TEC: variants seen among roughly 807,000 people sequenced by gnomAD.
TEC encodes the protein tyrosine-protein kinase Tec.
A neutral mutation model predicts 93.0 loss-of-function variants in TEC; 72 were observed. The ratio of observed to expected loss-of-function variants is 0.77; its 90% CI spans 0.64 to 0.94. The LOEUF (loss-of-function observed/expected upper bound fraction) is 0.94, where lower values mean the gene tolerates loss of function less well. Ranked by LOEUF, TEC falls within the 40% of genes least tolerant of loss-of-function variation. The pLI, the probability that TEC is intolerant of heterozygous loss-of-function variation, is 0.00. For synonymous variants in TEC, 249 were observed against 247.7 expected (o/e 1.01, Z -0.05); for missense variants, 630 against 757.9 (o/e 0.83, Z 1.98).
chr4:48,161,240 C>T (rs918722331), intron 8 of TEC, among the ~76,000 whole-genome samples: 8 of 152,132 alleles, frequency 5.3e-5, no homozygotes, highest in African/African-American at 1.7e-4. Context: ...AGTTATACAT[C>T]TTAGCTTGTT....
intron 2 of TEC, among the ~76,000 whole-genome samples, chr4:48,176,990 A>G (rs1157071641): frequency 2.0e-5 from 3 of 152,200 alleles, no homozygotes; most frequent in East Asian, 1.9e-4. Context: ...ATATTCACAG[A>G]AAGCTTCCAT....
intron 2 of TEC, among the ~76,000 whole-genome samples, chr4:48,217,444 A>G (rs1723118882): frequency 6.6e-6 from 1 of 152,194 alleles, no homozygotes; most frequent in Admixed American, 6.5e-5. Flanking sequence ...CCATGCTACA[A>G]TAATTTCTTT....
intron 1 of TEC, among the ~76,000 whole-genome samples, chr4:48,258,243 G>A (rs28410946): frequency 0.55 from 82,767 of 150,938 alleles, 22,923 homozygotes; most frequent in East Asian, 0.68. Context: ...CCAGGTTCAA[G>A]CAATTCTCCT....
At chr4:48,216,673 C>G (rs1723091847) in intron 2 of TEC, among the ~76,000 whole-genome samples, 2 of 152,040 alleles carry the variant, frequency 1.3e-5, no homozygotes, top group South Asian at 4.1e-4. Context: ...GCCTTCAGTT[C>G]CTATGTCACA....
intron 2 of TEC, among the ~76,000 whole-genome samples, chr4:48,186,890 T>C (rs1436107226): frequency 1.3e-5 from 2 of 152,176 alleles, no homozygotes; most frequent in African/African-American, 4.8e-5. Context: ...GTCTGGGAAG[T>C]GAGGAGCCCC....
At chr4:48,237,224 GC>G (rs1723809346) in intron 1 of TEC, among the ~76,000 whole-genome samples, 1 of 151,426 alleles carries the variant, frequency 6.6e-6, no homozygotes, top group Admixed American at 6.6e-5. Context: ...GGAGGCTAAG[GC>G]ATGCAAATAG....
At chr4:48,259,911 A>G (rs1724451890) in intron 1 of TEC, among the ~76,000 whole-genome samples, 1 of 152,170 alleles carries the variant, frequency 6.6e-6, no homozygotes, top group South Asian at 2.1e-4. Context: ...TTTCCTGAGG[A>G]CATAAGATGC....
chr4:48,140,696 A>AT lies in TEC; in HGVS notation c.1535+658dup, dbSNP rs561695065. On this transcript the variant is annotated intron_variant, in intron 15 of 17. Coordinates refer to ENST00000381501, the MANE Select transcript of TEC (RefSeq NM_003215.3). ...ATGGACAGCAACATTGGAATTTCAG[A>AT]TTTTTTTTTACATGTCATAATATTC... Among the ~76,000 whole-genome samples, 43 of 151,864 alleles carry AT rather than the reference A, an allele frequency of 2.8e-4. 1 individual carries two copies. Among genetic ancestry groups the AT allele is most frequent in the Admixed American group, 8.5e-4 (13 of 15,262 alleles).
In TEC at chr4:48,185,358, G is replaced by C. The variant is rs552487892; in HGVS notation, c.139-9172C>G. ...CATTAATTAAGAGAAACGAAAAAAAGGATGGATTTGACATTTTTCTTGTGA... is the reference window on the plus strand; with the variant it reads ...CATTAATTAAGAGAAACGAAAAAAACGATGGATTTGACATTTTTCTTGTGA... On this transcript the variant is annotated intron_variant, in intron 2 of 17. Transcript: ENST00000381501. Among the ~76,000 whole-genome samples, 12 of 152,274 alleles carry C rather than the reference G, an allele frequency of 7.9e-5. No homozygotes were observed. The South Asian group carries it at 1.0e-3, about 13-fold the overall frequency.
Position 48,145,235 on chromosome 4 carries a change from T to TA in TEC, c.1313dup (p.Tyr439IlefsTer5). 6.2e-7 allele frequency: 1 copy of TA among 1,614,162 alleles called. No individual in the cohort carries two copies. Among genetic ancestry groups the TA allele is most frequent in the African/African-American group, 1.3e-5 (1 of 75,034 alleles). On this transcript the variant is annotated frameshift_variant, in exon 14 of 18. Transcript: ENST00000381501. LOFTEE classifies it high-confidence loss of function. ...TTTCCATGAACTCAGTAACAATGTA[T>TA]ATTGGTTTCTGCTGGGTGCACACAC...
rs545906425 is a variant in TEC, at chr4:48,207,660, T to C, written c.138+20817A>G. On this transcript the variant is annotated intron_variant, in intron 2 of 17. Transcript: ENST00000381501. The stretch of plus-strand genomic sequence containing the variant: ...AAAATTAGCCGTGCGTGGTGGCACA[T>C]GCCTGTAGTCCTAGCTACTTAGGAG... 1.5e-4 allele frequency among the ~76,000 whole-genome samples: 22 copies of C among 149,530 alleles called. No individual in the cohort carries two copies. The South Asian group carries it at 3.6e-3, about 25-fold the overall frequency.
intron 2 of TEC, among the ~76,000 whole-genome samples, chr4:48,211,624 G>A (rs1722901719): frequency 6.6e-6 from 1 of 152,158 alleles, no homozygotes; most frequent in Non-Finnish European, 1.5e-5. Context: ...CTTCAACTGT[G>A]ACAGTTTCTC....
chr4:48,221,007 C>T (rs941493882), intron 2 of TEC, among the ~76,000 whole-genome samples: 1 of 152,222 alleles, frequency 6.6e-6, no homozygotes, highest in African/African-American at 2.4e-5. Flanking sequence ...GTTCCCACAA[C>T]CCCCTCCTTG....
At chr4:48,242,680 T>C (rs749428194) in intron 1 of TEC, among the ~76,000 whole-genome samples, 1 of 152,236 alleles carries the variant, frequency 6.6e-6, no homozygotes, top group African/African-American at 2.4e-5. Context: ...TTCTGTCCTA[T>C]GCAGGAAGTT....
Position 48,145,141 on chromosome 4 carries a change from A to G in TEC, c.1408T>C (p.Cys470Arg), listed in dbSNP as rs765514796. ...HFSRDVLLSM[C>R]QDVCEGMEYL... ...TCCATCCCTTCACACACATCCTGAC[A>G]CATGCTCAGCAGTACGTCTCTACTG... The change falls in exon 14 of 18, where the codon TGT becomes CGT. Residue 470 changes from cysteine to arginine, a missense_variant. By Grantham distance (180) the Cys-to-Arg change is radical. Transcript: ENST00000381501. 23 of 1,613,902 alleles carry G rather than the reference A, an allele frequency of 1.4e-5. No homozygotes were observed. In the Admixed American group the frequency reaches 1.5e-4, roughly 11 times the overall value.
At chr4:48,152,275 A>G (rs1253838142) in intron 9 of TEC, among the ~76,000 whole-genome samples, 1 of 151,850 alleles carries the variant, frequency 6.6e-6, no homozygotes, top group African/African-American at 2.4e-5. Flanking sequence ...AAAATACCCC[A>G]TCTTTACTAA....
intron 1 of TEC, among the ~76,000 whole-genome samples, chr4:48,263,844 T>G (rs1166377679): frequency 2.0e-5 from 3 of 152,184 alleles, no homozygotes; most frequent in African/African-American, 7.2e-5. Flanking sequence ...GAGTTGTATA[T>G]GAAGGCATCT....
chr4:48,145,273 C>T lies in TEC; in HGVS notation c.1276G>A (p.Val426Met), dbSNP rs145617527. Residue 426 changes from valine (V) to methionine (M), a missense_variant, in exon 14 of 18, where the codon GTG becomes ATG. Val to Met is a conservative substitution (Grantham distance 21). Around this residue, in one of 3 missense-constraint regions of TEC, gnomAD observed 289 missense variants for 390.0 expected, o/e 0.74. Transcript: ENST00000381501. Reference protein sequence around the residue: ...VMMKLTHPKLVQLYGVCTQQK... With the variant: ...VMMKLTHPKLMQLYGVCTQQK... ...TGGGTGCACACACCATAAAGCTGCA[C>T]TAACTTCGGGTGTGTCAGTTTCCTG... The T allele has an allele frequency of 2.2e-5, 36 of 1,614,044 alleles. No individual in the cohort carries two copies. The highest frequency in any genetic ancestry group is 2.9e-5 in the Non-Finnish European group (34 of 1,180,002).
intron 1 of TEC, among the ~76,000 whole-genome samples, chr4:48,261,685 A>C (rs1339624457): frequency 6.6e-6 from 1 of 152,212 alleles, no homozygotes; most frequent in African/African-American, 2.4e-5. Flanking sequence ...AGGATACTTG[A>C]CAGGGAGTTT....
Sources: allele counts gnomAD v4.1 joint callset (sites outside exome capture counted in the v4.1 genomes callset), GRCh38; gene constraint gnomAD v4.1.1; regional missense constraint gnomAD v4.1.1; transcripts MANE v1.5; gene names NCBI Gene and HGNC (gene_info 2026-07-23, HGNC 2026-07-21).